DNAH5: variants seen among roughly 807,000 people sequenced by gnomAD.
The protein encoded by DNAH5 is axonemal beta dynein heavy chain 5.
A neutral mutation model predicts 518.2 loss-of-function variants in DNAH5; 372 were observed. The observed-to-expected ratio is 0.72, with a 90% CI of 0.66 to 0.78. DNAH5 has a LOEUF of 0.78. Among genes scored for constraint, DNAH5 ranks in the 30% least tolerant of loss-of-function variants. The pLI, the probability that DNAH5 is intolerant of heterozygous loss-of-function variation, is 0.00. For synonymous variants in DNAH5, 2,039 were observed against 2,025.9 expected (o/e 1.01, Z -0.17); for missense variants, 5,523 against 5,687.0 (o/e 0.97, Z 0.93).
chr5:13,727,476 C>A, intron 70 of DNAH5, 31 bp downstream of exon 70: 1 of 1,577,066 alleles, frequency 6.3e-7, no homozygotes, highest in South Asian at 1.2e-5. Flanking sequence ...AAAATATTCT[C>A]TCATTTTTCT....
chr5:13,784,505 C>T (rs1755668019), intron 52 of DNAH5, among the ~76,000 whole-genome samples: 1 of 152,168 alleles, frequency 6.6e-6, no homozygotes, highest in African/African-American at 2.4e-5. Context: ...GTCTTCCTCC[C>T]TCTCTCTGAC....
At chr5:13,786,620 A>T (rs904420718) in intron 51 of DNAH5, among the ~76,000 whole-genome samples, 1 of 152,220 alleles carries the variant, frequency 6.6e-6, no homozygotes, top group Non-Finnish European at 1.5e-5. Context: ...CCCACAACTG[A>T]TTATTGGCAT....
At position 13,913,795 on chromosome 5, in the gene DNAH5, A is replaced by T; in HGVS notation, c.1484T>A (p.Val495Asp). Residue 495 changes from valine (V) to aspartate (D), a missense_variant, in exon 11 of 79, where the codon GTC becomes GAC. By Grantham distance (152) the Val-to-Asp change is radical (BLOSUM62 -3). This residue lies in a region of DNAH5 where 5,121 missense variants were observed against 5,223.3 expected (regional missense o/e 0.98). Transcript: ENST00000265104. Reference sequence around the variant, plus strand: ...CCCTTCAATTGTGGAATCTTGCAGGACTGAATACGTCTTGAGGGTTGTAAA... The same window carrying T: ...CCCTTCAATTGTGGAATCTTGCAGGTCTGAATACGTCTTGAGGGTTGTAAA... ...DIFTTLKTYS[V>D]LQDSTIEGLE... The T allele has an allele frequency of 6.2e-7, 1 of 1,613,578 alleles. No homozygotes were observed. The highest frequency in any genetic ancestry group is 1.1e-5 in the South Asian group (1 of 91,070).
intron 35 of DNAH5, among the ~76,000 whole-genome samples, chr5:13,835,616 T>A (rs1764279778): frequency 6.6e-6 from 1 of 152,082 alleles, no homozygotes; most frequent in Non-Finnish European, 1.5e-5. Context: ...GGCCAGTTTT[T>A]TCGAGGGCTA....
chr5:13,834,650 C>T (rs564901969), intron 35 of DNAH5, among the ~76,000 whole-genome samples: 2 of 152,096 alleles, frequency 1.3e-5, no homozygotes, highest in Non-Finnish European at 2.9e-5. Context: ...TAGCAGGGGA[C>T]TAAAGGAAGA....
chr5:13,851,146 A>T (rs1381783416), intron 30 of DNAH5, among the ~76,000 whole-genome samples: 1 of 152,214 alleles, frequency 6.6e-6, no homozygotes, highest in South Asian at 2.1e-4. Context: ...CTCTAAATGA[A>T]GTACATTTCC....
chr5:13,787,203 C>CA (rs202066683), intron 51 of DNAH5, among the ~76,000 whole-genome samples: 1,873 of 107,484 alleles, frequency 0.017, 40 homozygotes, highest in African/African-American at 0.06. Flanking sequence ...GACTCTGTTT[C>CA]AAAAAAAAAA....
rs1445804 is a variant in DNAH5, at chr5:13,876,555, T to C, written c.3396+129A>G. The stretch of plus-strand genomic sequence containing the variant: ...GTTAGACAAACATTTGCTGAGCACA[T>C]ACAAGATGCTCCCTGAAAGCACAGT... On this transcript the variant is annotated intron_variant, in intron 22 of 78. Coordinates refer to ENST00000265104, the MANE Select transcript of DNAH5 (RefSeq NM_001369.3). 0.88 allele frequency: 988,132 copies of C among 1,119,444 alleles called. 436,542 individuals are homozygous for C. Among genetic ancestry groups the C allele is most frequent in the East Asian group, 0.94 (38,792 of 41,452 alleles). The allele number at this position is 1,119,444 out of a possible 1,614,324, so 69.3% of individuals were successfully genotyped here.
upstream of DNAH5, among the ~76,000 whole-genome samples, chr5:13,946,834 T>C (rs1779964161): frequency 6.6e-6 from 1 of 152,252 alleles, no homozygotes; most frequent in Admixed American, 6.5e-5. Context: ...TTTCATTCAT[T>C]GAACAAAAGC....
At chr5:13,695,286 C>T (rs1163843064) in intron 78 of DNAH5, among the ~76,000 whole-genome samples, 1 of 152,090 alleles carries the variant, frequency 6.6e-6, no homozygotes, top group Non-Finnish European at 1.5e-5. Context: ...AACAGGGGCA[C>T]GAGCACTTTT....
At chr5:13,823,946 T>C (rs1463348831) in intron 39 of DNAH5, among the ~76,000 whole-genome samples, 1 of 152,200 alleles carries the variant, frequency 6.6e-6, no homozygotes, top group African/African-American at 2.4e-5. Flanking sequence ...TCAAGGTATT[T>C]GGCATCTTAA....
At chr5:13,842,502 G>GGAAGA (rs1389515666) in intron 32 of DNAH5, among the ~76,000 whole-genome samples, 3 of 127,784 alleles carry the variant, frequency 2.3e-5, no homozygotes, top group African/African-American at 9.5e-5. Context: ...AAGAAAGAAA[G>GGAAGA]AAAGAAAAAG....
intron 41 of DNAH5, among the ~76,000 whole-genome samples, chr5:13,818,126 C>T (rs927751276): frequency 6.6e-5 from 10 of 152,162 alleles, no homozygotes; most frequent in Non-Finnish European, 1.0e-4. Flanking sequence ...ACCTTGAAAA[C>T]GATAAGCTAA....
At chr5:13,910,037 A>T (rs916049675) in intron 12 of DNAH5, among the ~76,000 whole-genome samples, 1 of 152,234 alleles carries the variant, frequency 6.6e-6, no homozygotes, top group Non-Finnish European at 1.5e-5. Flanking sequence ...GGTGAACATC[A>T]GAATCTGCCA....
At chr5:13,714,363 T>C (rs1211494468) in intron 75 of DNAH5, 42 bp downstream of exon 75, 3 of 1,598,502 alleles carry the variant, frequency 1.9e-6, no homozygotes, top group African/African-American at 2.7e-5. Context: ...ACCGAAGATA[T>C]GCAACCCCAG....
chr5:13,779,568 T>C (rs887720817), intron 53 of DNAH5, among the ~76,000 whole-genome samples: 2 of 152,234 alleles, frequency 1.3e-5, no homozygotes, highest in Admixed American at 6.5e-5. Context: ...ACTGGTCTCC[T>C]GGTTCTAACC....
rs144751857 is a variant in DNAH5, at chr5:13,713,673, C to A, written c.13125+732G>T. Among the ~76,000 whole-genome samples the A allele has an allele frequency of 3.7e-3, 554 of 148,618 alleles. 3 individuals are homozygous for A. The highest frequency in any genetic ancestry group is 0.012 in the African/African-American group (501 of 40,108). ...AAAGGCATAAGAATGATACAATGGA[C>A]TTTGGGGACTTGGGGGGAAGAGTGT... On this transcript the variant is annotated intron_variant, in intron 75 of 78. Transcript: ENST00000265104.
At chr5:13,769,420 C>G (rs1580142781) in intron 57 of DNAH5, 81 bp downstream of exon 57, 1 of 1,118,764 alleles carries the variant, frequency 8.9e-7, no homozygotes, top group Non-Finnish European at 1.4e-6. Context: ...CTAGTTATAG[C>G]CAGTGAATAT....
At chr5:13,917,900 C>A (rs749320329) in intron 7 of DNAH5, among the ~76,000 whole-genome samples, 2 of 152,150 alleles carry the variant, frequency 1.3e-5, no homozygotes, top group Admixed American at 6.5e-5. Flanking sequence ...CAAATTATTA[C>A]GTATCAAAAC....
Sources: gnomAD v4.1 joint callset for allele counts (sites outside exome capture counted in the v4.1 genomes callset) on GRCh38, gnomAD v4.1.1 for gene constraint, gnomAD v4.1.1 regional missense constraint, MANE v1.5 for transcripts, NCBI Gene and HGNC (gene_info 2026-07-23, HGNC 2026-07-21) for gene names.